MED12L: variants seen among roughly 807,000 people sequenced by gnomAD.
MED12L encodes mediator of RNA polymerase II transcription subunit 12-like protein.
MED12L carries 60 observed loss-of-function variants against 281.3 expected under a neutral mutation model. The observed-to-expected ratio is 0.21, with a 90% CI of 0.17 to 0.26. The LOEUF is 0.26. Ranked by LOEUF, MED12L falls within the 10% of genes least tolerant of loss-of-function variation. MED12L has a pLI of 1.00. For synonymous variants in MED12L, 974 were observed against 987.2 expected (o/e 0.99, Z 0.25); for missense variants, 2,146 against 2,680.9 (o/e 0.80, Z 4.41).
chr3:151,339,431 T>TAAAAAAAA (rs3975402), intron 16 of MED12L, among the ~76,000 whole-genome samples: 1 of 145,816 alleles, frequency 6.9e-6, no homozygotes, highest in Non-Finnish European at 1.5e-5. Context: ...ACTGAATCAG[T>TAAAAAAAA]AAAAAAAAAA....
Position 151,432,732 on chromosome 3 carries a change from C to T in MED12L, c.6491-20C>T. ...TAGTTTTGTGTCTGTAATTTTGGTTCAATTTATTTTTCTCCTTAGGCAACC... is the reference window on the plus strand; with the variant it reads ...TAGTTTTGTGTCTGTAATTTTGGTTTAATTTATTTTTCTCCTTAGGCAACC... On this transcript the variant is annotated intron_variant, in intron 44 of 44. Coordinates refer to ENST00000687756, the MANE Select transcript of MED12L (RefSeq NM_001393769.1). 2 of 1,607,070 alleles carry T rather than the reference C, an allele frequency of 1.2e-6. No individual in the cohort carries two copies. The highest frequency in any genetic ancestry group is 1.7e-6 in the Non-Finnish European group (2 of 1,175,154).
At position 151,309,811 on chromosome 3, in the gene MED12L, C is replaced by G. The variant is rs183177921; in HGVS notation, c.2251-40248C>G. ...AGTCAGAGTTCAAAAACACCTTTGA[C>G]TTACTATTAGGCAGTCATGGAATTT... is the stretch of plus-strand genomic sequence containing the variant. On this transcript the variant is annotated intron_variant, in intron 16 of 44. Transcript: ENST00000687756. Among the ~76,000 whole-genome samples, 577 of 152,330 alleles carry G rather than the reference C, an allele frequency of 3.8e-3. 4 individuals carry two copies. Among genetic ancestry groups the G allele is most frequent in the African/African-American group, 0.013 (560 of 41,584 alleles).
intron 16 of MED12L, chr3:151,328,792 G>A (rs779876492): frequency 1.3e-5 from 21 of 1,613,774 alleles, no homozygotes; most frequent in Admixed American, 3.3e-5. Context: ...TTATCAAGTC[G>A]GCCACCAAAG....
In MED12L at chr3:151,085,706, G is replaced by A. The variant is rs1357541180; in HGVS notation, c.-360G>A. 2.0e-5 allele frequency: 3 copies of A among 152,020 alleles called. No homozygotes were observed. The highest frequency in any genetic ancestry group is 7.2e-5 in the African/African-American group (3 of 41,424). 9.4% of individuals were successfully genotyped at this position (152,020 alleles called of 1,614,324 possible). ...CGCGCCGCCGTCCGCCAACTCGGAA[G>A]CTCGCGCTCCCGGGCCGTGGGGGCG... On this transcript the variant is annotated 5_prime_UTR_variant, in exon 1 of 45. Transcript: ENST00000687756.
chr3:151,166,579 T>C (rs1720753159), intron 11 of MED12L, among the ~76,000 whole-genome samples: 2 of 152,080 alleles, frequency 1.3e-5, no homozygotes, highest in East Asian at 1.9e-4. Flanking sequence ...ATTTGAGATA[T>C]TCAGGGCAGG....
intron 2 of MED12L, among the ~76,000 whole-genome samples, chr3:151,098,340 G>T (rs1310044657): frequency 3.3e-4 from 50 of 152,316 alleles, no homozygotes; most frequent in Admixed American, 2.9e-3. Flanking sequence ...TGGGTGATTG[G>T]TTTCCTGGGG....
At chr3:151,180,403 T>G (rs1401295566) in intron 11 of MED12L, among the ~76,000 whole-genome samples, 1 of 152,246 alleles carries the variant, frequency 6.6e-6, no homozygotes, top group African/African-American at 2.4e-5. Flanking sequence ...TACTTTATGA[T>G]TACTTGTCTT....
chr3:151,124,127 C>T (rs1714156415), intron 4 of MED12L, among the ~76,000 whole-genome samples: 1 of 152,208 alleles, frequency 6.6e-6, no homozygotes. Context: ...TGTTGACTAA[C>T]AGTTCATACT....
chr3:151,301,835 G>C (rs1488490590), intron 16 of MED12L, among the ~76,000 whole-genome samples: 1 of 152,228 alleles, frequency 6.6e-6, no homozygotes, highest in Non-Finnish European at 1.5e-5. Flanking sequence ...ACTCTGGAAA[G>C]AGTTTGGCAG....
At chr3:151,182,958 C>G (rs73018620) in intron 11 of MED12L, among the ~76,000 whole-genome samples, 6,013 of 152,212 alleles carry the variant, frequency 0.04, 388 homozygotes, top group African/African-American at 0.14. Flanking sequence ...TAGGGCAGAA[C>G]ACAGTGCCTA....
At chr3:151,359,736 A>G (rs1384052844) in intron 20 of MED12L, among the ~76,000 whole-genome samples, 1 of 152,112 alleles carries the variant, frequency 6.6e-6, no homozygotes, top group African/African-American at 2.4e-5. Flanking sequence ...TGACTCCGTT[A>G]GTGTAATATA....
chr3:151,214,499 C>T (rs1727810468), intron 16 of MED12L, among the ~76,000 whole-genome samples: 1 of 152,312 alleles, frequency 6.6e-6, no homozygotes, highest in Middle Eastern at 3.4e-3. Context: ...CTCCCTCCCT[C>T]TGTTCTTCCT....
chr3:151,158,847 G>T (rs778833725), intron 7 of MED12L, 48 bp downstream of exon 7: 44 of 1,216,384 alleles, frequency 3.6e-5, no homozygotes, highest in African/African-American at 4.5e-5. Context: ...GGCAAGAAAT[G>T]AGCCTGATAA....
chr3:151,328,474 A>G (rs1367696439), intron 16 of MED12L: 12 of 1,613,946 alleles, frequency 7.4e-6, no homozygotes, highest in African/African-American at 1.3e-5. Context: ...TTAAGGAAGC[A>G]CACTTTTTCA....
intron 16 of MED12L, among the ~76,000 whole-genome samples, chr3:151,218,138 G>T (rs1460197921): frequency 6.6e-6 from 1 of 151,826 alleles, no homozygotes; most frequent in Non-Finnish European, 1.5e-5. Flanking sequence ...GAAGGAAATC[G>T]TTTTATTCTC....
At chr3:151,372,838 A>T (rs1756360085) in intron 27 of MED12L, 72 bp downstream of exon 27, 2 of 1,255,046 alleles carry the variant, frequency 1.6e-6, no homozygotes, top group Admixed American at 1.9e-5. Flanking sequence ...TTACACTTAT[A>T]GGAAACTTGT....
chr3:151,130,011 C>T (rs1231187655), intron 5 of MED12L, among the ~76,000 whole-genome samples: 2 of 152,114 alleles, frequency 1.3e-5, no homozygotes, highest in Non-Finnish European at 2.9e-5. Context: ...TCAAGTGATC[C>T]TCTCACCTGC....
intron 14 of MED12L, among the ~76,000 whole-genome samples, chr3:151,191,854 C>G (rs892872745): frequency 5.9e-5 from 9 of 151,556 alleles, no homozygotes; most frequent in Non-Finnish European, 1.0e-4. Context: ...TGCAGTGAGC[C>G]GAGATTGCGC....
chr3:151,144,602 C>A (rs1163963526), intron 5 of MED12L, among the ~76,000 whole-genome samples: 1 of 152,216 alleles, frequency 6.6e-6, no homozygotes, highest in Non-Finnish European at 1.5e-5. Context: ...GACTACCTGA[C>A]ACACAACTGG....
Sources: gnomAD v4.1 joint callset for allele counts (sites outside exome capture counted in the v4.1 genomes callset) on GRCh38, gnomAD v4.1.1 for gene constraint, MANE v1.5 for transcripts, NCBI Gene and HGNC (gene_info 2026-07-23, HGNC 2026-07-21) for gene names.